Variants in SLC7A1 observed in about 807,000 individuals in gnomAD.
SLC7A1 encodes the protein high affinity cationic amino acid transporter 1.
In SLC7A1, 10 loss-of-function variants were observed where a neutral mutation model predicts 53.9. The observed-to-expected ratio is 0.19, with a 90% confidence interval of 0.11 to 0.31. The LOEUF (loss-of-function observed/expected upper bound fraction) is 0.31. Ranked by LOEUF, SLC7A1 falls within the 10% of genes least tolerant of loss-of-function variation. The pLI is 1.00. For synonymous variants in SLC7A1, 342 were observed against 338.7 expected (o/e 1.01, Z -0.11); for missense variants, 525 against 827.2 (o/e 0.63, Z 4.48).
At chr13:29,564,158 A>T (rs1870875265) in intron 1 of SLC7A1, among the ~76,000 whole-genome samples, 1 of 152,180 alleles carries the variant, frequency 6.6e-6, no homozygotes, top group South Asian at 2.1e-4. Context: ...TTTTCCACTC[A>T]GTCATTTCCC....
At chr13:29,533,039 T>C in intron 3 of SLC7A1, 57 bp from the exon 4 acceptor site, 2 of 1,517,790 alleles carry the variant, frequency 1.3e-6, no homozygotes, top group Non-Finnish European at 1.8e-6. Context: ...GCCAGGTATT[T>C]GTAGTGGAGC....
intron 7 of SLC7A1, among the ~76,000 whole-genome samples, 195 bp from the exon 8 acceptor site, chr13:29,522,651 T>A (rs1868682431): frequency 6.6e-6 from 1 of 152,192 alleles, no homozygotes; most frequent in Admixed American, 6.5e-5. Context: ...GAGCACACAC[T>A]GTGAATAAGG....
intron 1 of SLC7A1, among the ~76,000 whole-genome samples, chr13:29,570,751 G>A (rs1871158527): frequency 6.6e-6 from 1 of 152,100 alleles, no homozygotes; most frequent in Non-Finnish European, 1.5e-5. Flanking sequence ...CAGCAACCAA[G>A]GAGGCTGAGA....
At position 29,517,742 on chromosome 13, in the gene SLC7A1, G is replaced by T; in HGVS notation, c.1341C>A (p.Ser447=). 1 of 1,614,168 alleles carries T rather than the reference G, an allele frequency of 6.2e-7. No individual in the cohort carries two copies. Among genetic ancestry groups the T allele is most frequent in the Non-Finnish European group, 8.5e-7 (1 of 1,180,034 alleles). ...PNLVYQMAST[S]DELDPADQNE... ...TTTGGTCTGCTGGATCTAACTCGTC[G>T]GAAGTACTGGCCATCTGGTATACCA... Residue 447 remains serine (S), a synonymous_variant, in exon 10 of 13, where the codon TCC becomes TCA. Coordinates refer to ENST00000380752, the MANE Select transcript of SLC7A1 (RefSeq NM_003045.5).
At chr13:29,555,357 CAAAAAAAA>C (rs538934310) in intron 1 of SLC7A1, among the ~76,000 whole-genome samples, 23 of 18,782 alleles carry the variant, frequency 1.2e-3, no homozygotes, top group Middle Eastern at 0.17. Context: ...GACTCCGTCT[CAAAAAAAA>C]AAAAAAAAAA....
intron 1 of SLC7A1, among the ~76,000 whole-genome samples, chr13:29,576,256 C>T (rs2139175110): frequency 7.5e-6 from 1 of 133,280 alleles, no homozygotes; most frequent in South Asian, 2.3e-4. Flanking sequence ...CACGCCACTG[C>T]ACTTCAGCCT....
At chr13:29,548,531 A>G (rs1479655085) in intron 2 of SLC7A1, among the ~76,000 whole-genome samples, 1 of 152,232 alleles carries the variant, frequency 6.6e-6, no homozygotes, top group African/African-American at 2.4e-5. Flanking sequence ...ACCTTTATTT[A>G]GAAGCAAAAG....
chr13:29,515,980 C>A (rs772080317), intron 12 of SLC7A1, among the ~76,000 whole-genome samples, 158 bp downstream of exon 12: 4 of 152,264 alleles, frequency 2.6e-5, no homozygotes, highest in Non-Finnish European at 5.9e-5. Context: ...CAAAAAGTAT[C>A]TAACAGGGAG....
chr13:29,529,428 C>A (rs926383050), intron 5 of SLC7A1, among the ~76,000 whole-genome samples: 1 of 152,242 alleles, frequency 6.6e-6, no homozygotes, highest in Non-Finnish European at 1.5e-5. Context: ...ATGTGGCCCC[C>A]AGTGGACTCT....
intron 2 of SLC7A1, among the ~76,000 whole-genome samples, chr13:29,551,001 T>C (rs759391971): frequency 9.2e-5 from 14 of 152,226 alleles, no homozygotes; most frequent in Non-Finnish European, 1.8e-4. Flanking sequence ...AGCTATTTCA[T>C]CTTAATGGAG....
intron 5 of SLC7A1, among the ~76,000 whole-genome samples, chr13:29,529,911 C>A (rs1171492802): frequency 6.6e-6 from 1 of 152,054 alleles, no homozygotes; most frequent in African/African-American, 2.4e-5. Flanking sequence ...GGGCGAGAGA[C>A]CTGAGATGGC....
intron 6 of SLC7A1, 60 bp from the exon 7 acceptor site, chr13:29,523,548 C>T: frequency 7.7e-7 from 1 of 1,294,616 alleles, no homozygotes; most frequent in Non-Finnish European, 1.1e-6. Flanking sequence ...TATCTGCCCA[C>T]ATGACACCCA....
intron 5 of SLC7A1, among the ~76,000 whole-genome samples, chr13:29,528,346 G>A (rs1868994654): frequency 6.6e-6 from 1 of 152,220 alleles, no homozygotes; most frequent in Admixed American, 6.5e-5. Context: ...GCGGCAGCCT[G>A]AGTCAAAGGC....
Position 29,517,557 on chromosome 13 carries a change from A to T in SLC7A1, c.1510+16T>A, listed in dbSNP as rs748705945. On this transcript the variant is annotated intron_variant, in intron 10 of 12. Coordinates refer to ENST00000380752, the MANE Select transcript of SLC7A1 (RefSeq NM_003045.5). ...AATGCCAACAAGCAAGGCCCCAGGGAAGGGCTAGCTCTTACCTATGAGGCT... is the reference window on the plus strand; with the variant it reads ...AATGCCAACAAGCAAGGCCCCAGGGTAGGGCTAGCTCTTACCTATGAGGCT... 2 of 1,593,992 alleles carry T rather than the reference A, an allele frequency of 1.3e-6. No homozygotes were observed. Among genetic ancestry groups the T allele is most frequent in the African/African-American group, 2.7e-5 (2 of 74,460 alleles).
chr13:29,559,877 G>A (rs1334881070), intron 1 of SLC7A1, among the ~76,000 whole-genome samples: 2 of 151,916 alleles, frequency 1.3e-5, no homozygotes, highest in South Asian at 2.1e-4. Context: ...CACCGCGCCC[G>A]GATAATTTTT....
chr13:29,520,918 C>A (rs1248994356), intron 8 of SLC7A1, among the ~76,000 whole-genome samples: 1 of 152,134 alleles, frequency 6.6e-6, no homozygotes, highest in African/African-American at 2.4e-5. Context: ...ACTTATTTAC[C>A]ACTCCCACCA....
intron 2 of SLC7A1, among the ~76,000 whole-genome samples, chr13:29,542,386 C>G (rs1264125738): frequency 1.3e-5 from 2 of 152,034 alleles, no homozygotes; most frequent in Admixed American, 6.6e-5. Context: ...ACCTGGAAGG[C>G]AGAGGTTACA....
chr13:29,546,450 T>C (rs1869926654), intron 2 of SLC7A1, among the ~76,000 whole-genome samples: 1 of 152,202 alleles, frequency 6.6e-6, no homozygotes, highest in South Asian at 2.1e-4. Flanking sequence ...TTTCCCTCCT[T>C]CTAAATATTT....
chr13:29,529,734 A>C (rs1317427025), intron 5 of SLC7A1, among the ~76,000 whole-genome samples: 5 of 152,244 alleles, frequency 3.3e-5, no homozygotes, highest in Non-Finnish European at 7.3e-5. Context: ...TCTCTTTATC[A>C]TAGCAGTTTC....
Sources: allele counts gnomAD v4.1 joint callset (sites outside exome capture counted in the v4.1 genomes callset), GRCh38; gene constraint gnomAD v4.1.1; transcripts MANE v1.5; gene names NCBI Gene and HGNC (gene_info 2026-07-23, HGNC 2026-07-21).